ACBD6: variants seen among roughly 807,000 people sequenced by gnomAD.
The protein encoded by ACBD6 is acyl-CoA binding domain containing 6.
A neutral mutation model predicts 37.2 loss-of-function variants in ACBD6; 28 were observed. That is an observed-to-expected ratio of 0.75 (90% CI 0.56 to 1.03). The LOEUF is 1.03. ACBD6 is among the 50% of genes least tolerant of loss of function. ACBD6 has a pLI of 0.00. For synonymous variants in ACBD6, 113 were observed against 126.8 expected (o/e 0.89, Z 0.73); for missense variants, 340 against 337.4 (o/e 1.01, Z -0.06).
At chr1:180,380,945 T>C (rs1345558178) in intron 6 of ACBD6, among the ~76,000 whole-genome samples, 1 of 152,114 alleles carries the variant, frequency 6.6e-6, no homozygotes, top group Non-Finnish European at 1.5e-5. Context: ...CTTTTAAAAA[T>C]GACTCAACTA....
At chr1:180,425,584 T>G (rs561092986) in intron 4 of ACBD6, among the ~76,000 whole-genome samples, 14 of 152,282 alleles carry the variant, frequency 9.2e-5, no homozygotes, top group Non-Finnish European at 1.5e-4. Context: ...ATCCAAATAT[T>G]CATTTTTTAA....
At chr1:180,438,839 A>G (rs1649163991) in intron 3 of ACBD6, among the ~76,000 whole-genome samples, 1 of 152,166 alleles carries the variant, frequency 6.6e-6, no homozygotes, top group Non-Finnish European at 1.5e-5. Flanking sequence ...ACATATAATG[A>G]CATGTACCCA....
At position 180,351,365 on chromosome 1, in the gene ACBD6, T is replaced by C. The variant is rs181441320; in HGVS notation, c.664-36643A>G. On this transcript the variant is annotated intron_variant, in intron 6 of 7. Coordinates refer to ENST00000367595, the MANE Select transcript of ACBD6 (RefSeq NM_032360.4). ...ATCCCGGCTCACTGCAACCTCTGCC[T>C]CCTGGGTTCAAGCAATTCTCCTGCC... 5.2e-4 allele frequency among the ~76,000 whole-genome samples: 78 copies of C among 151,306 alleles called. 2 individuals carry two copies. Among genetic ancestry groups the C allele is most frequent in the Admixed American group, 4.9e-3 (74 of 15,162 alleles).
intron 6 of ACBD6, among the ~76,000 whole-genome samples, chr1:180,322,741 C>CTT (rs550001607): frequency 6.4e-5 from 9 of 141,084 alleles, no homozygotes; most frequent in African/African-American, 2.3e-4. Context: ...TGGGTCTTCT[C>CTT]TTTTTTTTTT....
At position 180,288,311 on chromosome 1, in the gene ACBD6, T is replaced by C; in HGVS notation, c.*52A>G. 6.2e-7 allele frequency: 1 copy of C among 1,611,582 alleles called. No homozygotes were observed. The highest frequency in any genetic ancestry group is 8.5e-7 in the Non-Finnish European group (1 of 1,178,958). ...AGAAGTATTATTTTTGTAGTTTTCT[T>C]TCATAATGGAAGCCTTATGCTATTA... On this transcript the variant is annotated 3_prime_UTR_variant, in exon 8 of 8. Transcript: ENST00000367595.
At position 180,447,701 on chromosome 1, in the gene ACBD6, T is replaced by C. The variant is rs1485194012; in HGVS notation, c.385-17439A>G. Among the ~76,000 whole-genome samples, 4 of 152,176 alleles carry C rather than the reference T, an allele frequency of 2.6e-5. No individual in the cohort carries two copies. The East Asian group carries it at 7.7e-4, about 29-fold the overall frequency. ...AAAATTATCTTGAATATAGTATTTA[T>C]CATAGCTGTTCAGAAATTATAACTT... On this transcript the variant is annotated intron_variant, in intron 3 of 7. Coordinates refer to ENST00000367595, the MANE Select transcript of ACBD6 (RefSeq NM_032360.4).
At chr1:180,360,446 G>C (rs764791023) in intron 6 of ACBD6, among the ~76,000 whole-genome samples, 1 of 152,022 alleles carries the variant, frequency 6.6e-6, no homozygotes, top group Admixed American at 6.6e-5. Flanking sequence ...TCCAACTGTG[G>C]GTCCCAGATC....
At chr1:180,378,100 C>T (rs1157104520) in intron 6 of ACBD6, among the ~76,000 whole-genome samples, 1 of 152,080 alleles carries the variant, frequency 6.6e-6, no homozygotes, top group Admixed American at 6.5e-5. Flanking sequence ...CAGGCAGACA[C>T]TATCATAACG....
rs190114222 is a variant in ACBD6 at position 180,441,556 on chromosome 1, G to A, written c.385-11294C>T. ...ACTTAGGTCTTCTTTAATTTCTTTC[G>A]GCAATATAGTTTTCAGTCTAAAATC... On this transcript the variant is annotated intron_variant, in intron 3 of 7. Transcript: ENST00000367595. Among the ~76,000 whole-genome samples, 598 of 152,068 alleles carry A rather than the reference G, an allele frequency of 3.9e-3. 5 individuals are homozygous for A. Among genetic ancestry groups the A allele is most frequent in the African/African-American group, 0.014 (566 of 41,488 alleles).
At chr1:180,448,840 A>T (rs186626715) in intron 3 of ACBD6, among the ~76,000 whole-genome samples, 1 of 152,244 alleles carries the variant, frequency 6.6e-6, no homozygotes. Context: ...TTTTTTTTAA[A>T]ATATAAATCT....
intron 6 of ACBD6, among the ~76,000 whole-genome samples, chr1:180,321,473 T>C (rs574970774): frequency 6.6e-6 from 1 of 152,292 alleles, no homozygotes; most frequent in South Asian, 2.1e-4. Flanking sequence ...CTTGCATCAA[T>C]GTTTTGTAGT....
At chr1:180,308,577 G>A (rs1650475203) in intron 7 of ACBD6, among the ~76,000 whole-genome samples, 1 of 152,162 alleles carries the variant, frequency 6.6e-6, no homozygotes, top group Non-Finnish European at 1.5e-5. Context: ...AAGCTTCTTT[G>A]TCTTCTTTTT....
chr1:180,489,926 T>G (rs951997927), intron 3 of ACBD6, among the ~76,000 whole-genome samples: 1 of 152,188 alleles, frequency 6.6e-6, no homozygotes, highest in African/African-American at 2.4e-5. Context: ...CCCAAAGTGT[T>G]GGGATTACAG....
chr1:180,403,959 T>A (rs1647497010), intron 5 of ACBD6, among the ~76,000 whole-genome samples: 1 of 148,286 alleles, frequency 6.7e-6, no homozygotes, highest in Admixed American at 6.7e-5. Flanking sequence ...ACAGAGTTTC[T>A]TTTTTTTTTG....
intron 3 of ACBD6, among the ~76,000 whole-genome samples, chr1:180,440,965 T>G (rs1340145996): frequency 6.6e-6 from 1 of 152,206 alleles, no homozygotes; most frequent in African/African-American, 2.4e-5. Flanking sequence ...TAATGGACAT[T>G]TGGGTTGTTT....
At chr1:180,271,949 G>C (rs374399850) in exon 14 of ACBD6, 97 of 1,613,298 alleles carry the variant, frequency 6.0e-5, no homozygotes, top group Non-Finnish European at 7.8e-5. Context: ...CAGCAAGCAG[G>C]AGAAGGAGAG....
intron 3 of ACBD6, among the ~76,000 whole-genome samples, chr1:180,436,283 C>T (rs1649032443): frequency 6.6e-6 from 1 of 152,112 alleles, no homozygotes; most frequent in Non-Finnish European, 1.5e-5. Context: ...ATTGTGATTT[C>T]CTGAGAATTG....
intron 4 of ACBD6, among the ~76,000 whole-genome samples, chr1:180,420,514 A>AC (rs1648312742): frequency 6.6e-6 from 1 of 151,900 alleles, no homozygotes; most frequent in African/African-American, 2.4e-5. Flanking sequence ...GGTCCTTATA[A>AC]CCCCCCGATC....
chr1:180,456,326 A>T (rs575515265), intron 3 of ACBD6, among the ~76,000 whole-genome samples: 1 of 152,270 alleles, frequency 6.6e-6, no homozygotes, highest in South Asian at 2.1e-4. Flanking sequence ...TTCTAACTCT[A>T]TATCAAGGAA....
Sources: gnomAD v4.1 joint callset for allele counts (sites outside exome capture counted in the v4.1 genomes callset) on GRCh38, gnomAD v4.1.1 for gene constraint, MANE v1.5 for transcripts, NCBI Gene and HGNC (gene_info 2026-07-23, HGNC 2026-07-21) for gene names.